The following SPATS2L variants were observed in gnomAD, a reference collection of about 807,000 sequenced individuals.
The protein encoded by SPATS2L is spermatogenesis associated serine rich 2 like, also known as SPATS2-like protein.
SPATS2L carries 30 observed loss-of-function variants against 59.6 expected under a neutral mutation model. The ratio of observed to expected loss-of-function variants is 0.50; its 90% confidence interval spans 0.38 to 0.68. SPATS2L has a LOEUF of 0.68. Ranked by LOEUF, SPATS2L falls within the 30% of genes least tolerant of loss-of-function variation. SPATS2L has a pLI of 0.00. For missense variants in SPATS2L, 615 were observed against 700.0 expected (o/e 0.88, Z 1.37); for synonymous variants, 252 against 263.5 (o/e 0.96, Z 0.42).
intron 3 of SPATS2L, among the ~76,000 whole-genome samples, chr2:200,411,813 G>C (rs967810241): frequency 1.3e-5 from 2 of 152,154 alleles, no homozygotes; most frequent in African/African-American, 2.4e-5. Context: ...CCACATTTTT[G>C]TATCTTTAAA....
rs556887636 is a variant in SPATS2L at position 200,435,688 on chromosome 2, G to C, written c.446-3434G>C. 1.4e-4 allele frequency among the ~76,000 whole-genome samples: 21 copies of C among 152,012 alleles called. No individual in the cohort carries two copies. The South Asian group carries it at 3.1e-3, about 23-fold the overall frequency. On this transcript the variant is annotated intron_variant, in intron 6 of 12. Transcript: ENST00000409140. ...TAGAAATTGCAGAGGATATTTTAAG[G>C]CTTCACTAAAACAAATACCCTTTTC...
intron 6 of SPATS2L, among the ~76,000 whole-genome samples, chr2:200,430,715 CTTTTTTT>C (rs1179889614): frequency 7.9e-6 from 1 of 127,262 alleles, no homozygotes; most frequent in Non-Finnish European, 1.7e-5. Context: ...GAATTGTTTC[CTTTTTTT>C]TTTTTTTTTT....
At chr2:200,375,502 A>G (rs2081568936) in intron 2 of SPATS2L, among the ~76,000 whole-genome samples, 1 of 152,200 alleles carries the variant, frequency 6.6e-6, no homozygotes, top group South Asian at 2.1e-4. Context: ...TTGGGTGCTT[A>G]TGATTAGACC....
Position 200,352,264 on chromosome 2 carries a change from A to G in SPATS2L, c.-23+22784A>G, listed in dbSNP as rs573748468. On this transcript the variant is annotated intron_variant, in intron 2 of 12. Transcript: ENST00000409140. ...CCATAAAATGAGTTTTTGCAGCTCT[A>G]TATAAAATACAAAATATTTTGGTTT... Among the ~76,000 whole-genome samples the G allele has an allele frequency of 9.4e-5, 14 of 149,222 alleles. No homozygotes were observed. In the East Asian group the frequency reaches 2.7e-3, roughly 29 times the overall value.
At chr2:200,324,707 A>C (rs1276732348) in intron 1 of SPATS2L, among the ~76,000 whole-genome samples, 1 of 152,184 alleles carries the variant, frequency 6.6e-6, no homozygotes, top group African/African-American at 2.4e-5. Context: ...CTATACAATA[A>C]ATTTTACTTC....
chr2:200,390,168 C>T (rs1437239347), intron 3 of SPATS2L: 1 of 152,208 alleles, frequency 6.6e-6, no homozygotes, highest in Non-Finnish European at 1.5e-5. Context: ...TCTTTGTATC[C>T]TCACCATACC....
chr2:200,418,584 T>TA (rs879514454), intron 5 of SPATS2L, among the ~76,000 whole-genome samples: 53 of 57,704 alleles, frequency 9.2e-4, no homozygotes, highest in Non-Finnish European at 2.0e-3. Context: ...TATTAAATAA[T>TA]AAATAAATAA....
chr2:200,415,928 T>G (rs1334751789), intron 4 of SPATS2L, among the ~76,000 whole-genome samples: 1 of 152,094 alleles, frequency 6.6e-6, no homozygotes, highest in African/African-American at 2.4e-5. Context: ...AACATATGAA[T>G]AGGGACAGAG....
At chr2:200,369,036 C>G (rs556490436) in intron 2 of SPATS2L, among the ~76,000 whole-genome samples, 1 of 149,286 alleles carries the variant, frequency 6.7e-6, no homozygotes, top group African/African-American at 2.5e-5. Context: ...GTCTAACAGT[C>G]CATAACTGTT....
chr2:200,413,928 T>TGCAAAG (rs2082972001), intron 4 of SPATS2L, among the ~76,000 whole-genome samples: 1 of 152,234 alleles, frequency 6.6e-6, no homozygotes, highest in Non-Finnish European at 1.5e-5. Context: ...GAATGCAGTA[T>TGCAAAG]TAATCTAACT....
chr2:200,379,279 C>T (rs1309911216), intron 2 of SPATS2L, among the ~76,000 whole-genome samples: 2 of 152,156 alleles, frequency 1.3e-5, no homozygotes, highest in Non-Finnish European at 2.9e-5. Context: ...CCTCTCTGTG[C>T]TCATGTTTAT....
chr2:200,429,487 C>T (rs1045182103), intron 6 of SPATS2L, among the ~76,000 whole-genome samples: 1 of 152,130 alleles, frequency 6.6e-6, no homozygotes, highest in South Asian at 2.1e-4. Flanking sequence ...AGAAACTTGT[C>T]AAAGGGCACA....
rs192705769 is a variant in SPATS2L, at chr2:200,355,292, A to C, written c.-23+25812A>C. Among the ~76,000 whole-genome samples, 37 of 152,358 alleles carry C rather than the reference A, an allele frequency of 2.4e-4. No homozygotes were observed. The South Asian group carries it at 3.1e-3, about 13-fold the overall frequency. ...ACAGTTAGGGGGTCTCACCCCAGAC[A>C]TAGCCTCTGGGCTGGACCTGGTGGG... On this transcript the variant is annotated intron_variant, in intron 2 of 12. Coordinates refer to ENST00000409140, the MANE Select transcript of SPATS2L (RefSeq NM_001100423.2).
At chr2:200,441,768 A>C (rs764777295) in intron 8 of SPATS2L, among the ~76,000 whole-genome samples, 2 of 152,208 alleles carry the variant, frequency 1.3e-5, no homozygotes, top group Non-Finnish European at 2.9e-5. Flanking sequence ...AAAGGCTGGC[A>C]CATATCCACC....
At chr2:200,417,277 G>T (rs376493484) in intron 5 of SPATS2L, among the ~76,000 whole-genome samples, 1 of 151,964 alleles carries the variant, frequency 6.6e-6, no homozygotes. Context: ...AAAACCCGAA[G>T]ATTACTGAAA....
intron 5 of SPATS2L, among the ~76,000 whole-genome samples, chr2:200,418,069 AACTCC>A (rs2083139799): frequency 6.6e-6 from 1 of 152,140 alleles, no homozygotes; most frequent in Non-Finnish European, 1.5e-5. Context: ...GATATAGTAA[AACTCC>A]GCATTTTAGA....
chr2:200,393,131 T>A, intron 3 of SPATS2L: 1 of 450,354 alleles, frequency 2.2e-6, no homozygotes, highest in Non-Finnish European at 4.5e-6. Context: ...ATGGTGCTGA[T>A]CGAGGATTGG....
At chr2:200,319,759 A>T (rs1200079565) in intron 1 of SPATS2L, among the ~76,000 whole-genome samples, 1 of 152,130 alleles carries the variant, frequency 6.6e-6, no homozygotes, top group Admixed American at 6.5e-5. Context: ...TACGAAGCTA[A>T]AGAAAACTTC....
intron 2 of SPATS2L, chr2:200,378,387 A>G: frequency 1.0e-6 from 1 of 1,002,390 alleles, no homozygotes; most frequent in Non-Finnish European, 1.2e-6. Context: ...TTGAGGTTGC[A>G]TTTGCTGGGA....
Sources: allele counts gnomAD v4.1 joint callset (sites outside exome capture counted in the v4.1 genomes callset), GRCh38; gene constraint gnomAD v4.1.1; transcripts MANE v1.5; gene names NCBI Gene and HGNC (gene_info 2026-07-23, HGNC 2026-07-21).